POLR3D: variants seen among roughly 807,000 people sequenced by gnomAD.
POLR3D encodes the protein DNA-directed RNA polymerase III subunit RPC4.
Under a neutral mutation model 44.5 loss-of-function variants are expected in POLR3D, and 42 were observed. The ratio of observed to expected loss-of-function variants is 0.94; its 90% CI spans 0.74 to 1.22. The LOEUF (loss-of-function observed/expected upper bound fraction) is 1.22, where lower values mean the gene tolerates loss of function less well. Among genes scored for constraint, POLR3D ranks in the 50% most tolerant of loss-of-function variants. The probability of loss-of-function intolerance (pLI) is 0.00; values close to 1 mark genes in which losing one functional copy is unlikely to be tolerated. For synonymous variants in POLR3D, 217 were observed against 198.1 expected, an observed-to-expected ratio of 1.10 and a Z score of -0.80; for missense variants, 507 against 505.2, an observed-to-expected ratio of 1.00 and a Z score of -0.03.
rs1314739012 is a variant in POLR3D at position 22,250,189 on chromosome 8, C to G, written c.1036C>G (p.Leu346Val). The G allele has an allele frequency of 3.7e-6, 6 of 1,614,092 alleles. No homozygotes were observed. The highest frequency in any genetic ancestry group is 5.1e-6 in the Non-Finnish European group (6 of 1,180,042). The stretch of plus-strand genomic sequence containing the variant: ...GCAACTCCTCTTGGGCAAGGTGACT[C>G]TGGACGTGACCATGGGAACTGCCTG... ...RVQLLLGKVTLDVTMGTACSF... is the reference protein window; with the variant it reads ...RVQLLLGKVTVDVTMGTACSF... The change falls in exon 8 of 9, where the codon CTG becomes GTG. Residue 346 changes from leucine (L) to valine (V), a missense_variant. Physicochemically the swap from Leu to Val is conservative, Grantham distance 32. Coordinates refer to ENST00000306433, the MANE Select transcript of POLR3D (RefSeq NM_001722.3).
intron 7 of POLR3D, among the ~76,000 whole-genome samples, chr8:22,249,872 G>A (rs1315642746): frequency 6.6e-6 from 1 of 152,230 alleles, no homozygotes; most frequent in Non-Finnish European, 1.5e-5. Context: ...AGCTTCAGCA[G>A]TAACTGATAT....
chr8:22,249,156 G>T lies in POLR3D; in HGVS notation c.768G>T (p.Arg256Ser), dbSNP rs1830074036. ...ATGTATCTGTGGCAGAGCTGCTGAG[G>T]GAGCTGAGCCTCACCAAGGAAGAGG... The part of the protein sequence containing the change: ...PKDVSVAELL[R>S]ELSLTKEEEL... Residue 256 changes from arginine to serine, a missense_variant, in exon 7 of 9, where the codon AGG (arginine) becomes AGT (serine). Physicochemically the swap from Arg to Ser is moderately radical, Grantham distance 110. Coordinates refer to ENST00000306433, the MANE Select transcript of POLR3D (RefSeq NM_001722.3). 3 of 1,613,966 alleles carry T rather than the reference G, an allele frequency of 1.9e-6. No homozygotes were observed. The highest frequency in any genetic ancestry group is 2.5e-6 in the Non-Finnish European group (3 of 1,180,016).
chr8:22,245,426 G>T lies in POLR3D; in HGVS notation c.-5-19G>T. 1 of 1,309,362 alleles carries T rather than the reference G, an allele frequency of 7.6e-7. No individual in the cohort carries two copies. The highest frequency in any genetic ancestry group is 9.8e-7 in the Non-Finnish European group (1 of 1,021,628). The allele number at this position is 1,309,362 out of a possible 1,614,324, so 81.1% of individuals were successfully genotyped here. On this transcript the variant is annotated intron_variant, in intron 1 of 8. Coordinates refer to ENST00000306433, the MANE Select transcript of POLR3D (RefSeq NM_001722.3). ...CGTGTCAGTCCCCTCTGGTGATCTC[G>T]TCGCCCCTTCTCTCCCAGGCAACAT...
chr8:22,249,249 C>T lies in POLR3D; in HGVS notation c.861C>T (p.Ile287=). ...GQPPTQDIKP[I]KTEVQGEDGQ... ...CACCCACCCAGGACATCAAGCCTATCAAGACAGAGGTGCAGGGCGAGGACG... is the reference window on the plus strand; with the variant it reads ...CACCCACCCAGGACATCAAGCCTATTAAGACAGAGGTGCAGGGCGAGGACG... Residue 287 remains isoleucine (I), a synonymous_variant, in exon 7 of 9, where the codon ATC becomes ATT. Coordinates refer to ENST00000306433, the MANE Select transcript of POLR3D (RefSeq NM_001722.3). 6.2e-7 allele frequency: 1 copy of T among 1,614,044 alleles called. No homozygotes were observed. Among genetic ancestry groups the T allele is most frequent in the Non-Finnish European group, 8.5e-7 (1 of 1,180,026 alleles).
At chr8:22,247,790 G>T in intron 3 of POLR3D, 67 bp from the exon 4 acceptor site, 1 of 1,501,232 alleles carries the variant, frequency 6.7e-7, no homozygotes, top group Non-Finnish European at 9.1e-7. Flanking sequence ...AGTGGTATGG[G>T]AGAGTAAGGC....
Position 22,245,553 on chromosome 8 carries a change from T to C in POLR3D, c.104T>C (p.Leu35Pro). The change falls in exon 2 of 9, where the codon CTC (leucine) becomes CCC (proline). Residue 35 changes from leucine to proline, a missense_variant. Coordinates refer to ENST00000306433, the MANE Select transcript of POLR3D (RefSeq NM_001722.3). ...ATCGGGCGGCGGCCGGCGCCTCCCC[T>C]CACCCCCGGCCGCCTTCCCTCCATC... ...GLIGRRPAPP[L>P]TPGRLPSIRS... is the part of the protein sequence containing the mutation. 7.9e-7 allele frequency: 1 copy of C among 1,261,738 alleles called. No homozygotes were observed. 78.2% of individuals were successfully genotyped at this position (1,261,738 alleles called of 1,614,324 possible).
rs940825959 is a variant in POLR3D, at chr8:22,254,568, C to T, written c.*4050C>T. 2.2e-4 allele frequency: 33 copies of T among 152,156 alleles called. No homozygotes were observed. The highest frequency in any genetic ancestry group is 6.8e-4 in the African/African-American group (28 of 41,418). 9.4% of individuals were successfully genotyped at this position (152,156 alleles called of 1,614,324 possible). A position where few individuals can be genotyped will look rare whatever the true frequency, so the allele number is the denominator to read the frequency against. ...GTGTTTCACATACTTCTGAATTAGC[C>T]GAAGGAATTAAAGGTAGCATCTTTT... is the stretch of plus-strand genomic sequence containing the variant. On this transcript the variant is annotated 3_prime_UTR_variant, in exon 9 of 9. Coordinates refer to ENST00000306433, the MANE Select transcript of POLR3D (RefSeq NM_001722.3).
chr8:22,245,676 A>G (rs1386814385), intron 2 of POLR3D, 62 bp downstream of exon 2: 3 of 1,161,072 alleles, frequency 2.6e-6, no homozygotes, highest in Admixed American at 8.5e-5. Flanking sequence ...CCAGGATTCA[A>G]CTAATGTTTG....
chr8:22,245,324 A>C, intron 1 of POLR3D, 121 bp from the exon 2 acceptor site: 3 of 634,022 alleles, frequency 4.7e-6, no homozygotes, highest in Non-Finnish European at 4.8e-6. Flanking sequence ...GTGGGAGGGG[A>C]GGAGCTGAGA....
chr8:22,248,894 G>A (rs1030656300), intron 6 of POLR3D, 150 bp from the exon 7 acceptor site: 21 of 897,350 alleles, frequency 2.3e-5, no homozygotes, highest in Admixed American at 7.1e-5. Flanking sequence ...AGACTTGAAC[G>A]TGTTGTCTCT....
Position 22,250,388 on chromosome 8 carries a change from A to G in POLR3D, c.1075-8A>G. ...GTGGTTCTCATCACTGTCTCTGTTA[A>G]TTGGCAGGAGCTGGTGTCCGTGGGC... On this transcript the variant is annotated splice_region_variant and splice_polypyrimidine_tract_variant and intron_variant, in intron 8 of 8. Transcript: ENST00000306433. 1 of 1,614,154 alleles carries G rather than the reference A, an allele frequency of 6.2e-7. No homozygotes were observed. Among genetic ancestry groups the G allele is most frequent in the Middle Eastern group, 1.7e-4 (1 of 6,060 alleles).
rs1377149580 is a variant in POLR3D at position 22,247,936 on chromosome 8, C to T, written c.289C>T (p.Arg97Ter). 9 of 1,613,898 alleles carry T rather than the reference C, an allele frequency of 5.6e-6. No individual in the cohort carries two copies. Among genetic ancestry groups the T allele is most frequent in the African/African-American group, 1.3e-5 (1 of 74,874 alleles). The change falls in exon 4 of 9, where the codon CGA becomes TGA. Residue 97 changes from arginine to a stop codon, truncating the protein, a stop_gained. Coordinates refer to ENST00000306433, the MANE Select transcript of POLR3D (RefSeq NM_001722.3). LOFTEE classifies it high-confidence loss of function. ...ACAACGAGAGGGGCATGGACGAGGG[C>T]GAGGCCGTCCAGAAGTGATCCAGTC... ...DRQREGHGRGRGRPEVIQSHS... is the reference protein window; with the variant it reads ...DRQREGHGRG
intron 2 of POLR3D, 31 bp downstream of exon 2, chr8:22,245,645 A>G (rs1586505707): frequency 8.9e-6 from 11 of 1,235,736 alleles, no homozygotes; most frequent in Non-Finnish European, 9.2e-6. Flanking sequence ...AAAGAAACTC[A>G]ACTACCTTGA....
intron 3 of POLR3D, 121 bp from the exon 4 acceptor site, chr8:22,247,736 C>A: frequency 1.2e-6 from 1 of 869,026 alleles, no homozygotes. Flanking sequence ...TTCTGCTTCT[C>A]ATGGTGTAAA....
intron 6 of POLR3D, 83 bp from the exon 7 acceptor site, chr8:22,248,961 C>T (rs1162828680): frequency 2.0e-6 from 3 of 1,479,866 alleles, no homozygotes; most frequent in Non-Finnish European, 2.8e-6. Context: ...GACAGTGGAG[C>T]AGACAGGGGC....
chr8:22,252,775 A>G lies in POLR3D; in HGVS notation c.*2257A>G, dbSNP rs1192496244. 1.3e-5 allele frequency: 2 copies of G among 152,200 alleles called. No homozygotes were observed. The allele number at this position is 152,200 out of a possible 1,614,324, so 9.4% of individuals were successfully genotyped here. ...TCTGTGTATATGCTTTCTGTTAAATACAGAAAGAAGGAACAATAGGCTTGC... is the reference window on the plus strand; with the variant it reads ...TCTGTGTATATGCTTTCTGTTAAATGCAGAAAGAAGGAACAATAGGCTTGC... On this transcript the variant is annotated 3_prime_UTR_variant, in exon 9 of 9. Transcript: ENST00000306433.
At chr8:22,250,303 G>A in intron 8 of POLR3D, 76 bp downstream of exon 8, 2 of 1,609,470 alleles carry the variant, frequency 1.2e-6, no homozygotes, top group South Asian at 2.2e-5. Flanking sequence ...CTAAATAAGG[G>A]AGGGGGTTTC....
At chr8:22,247,089 G>A (rs1427784453) in intron 2 of POLR3D, 132 bp from the exon 3 acceptor site, 1 of 662,872 alleles carries the variant, frequency 1.5e-6, no homozygotes, top group Non-Finnish European at 2.7e-6. Context: ...AAAACTGACA[G>A]CACTGTGGAA....
chr8:22,248,371 G>T, intron 5 of POLR3D, 93 bp downstream of exon 5: 1 of 1,575,174 alleles, frequency 6.3e-7, no homozygotes, highest in Non-Finnish European at 8.6e-7. Context: ...GCTTACTGAT[G>T]TCCTGGAATC....
Sources: allele counts gnomAD v4.1 joint callset (sites outside exome capture counted in the v4.1 genomes callset), GRCh38; gene constraint gnomAD v4.1.1; transcripts MANE v1.5; gene names NCBI Gene and HGNC (gene_info 2026-07-23, HGNC 2026-07-21).